The following IGF2BP2 variants were observed in gnomAD, a reference collection of about 807,000 sequenced individuals.
IGF2BP2 encodes insulin like growth factor 2 mRNA binding protein 2.
IGF2BP2 carries 17 observed loss-of-function variants against 75.8 expected under a neutral mutation model. The ratio of observed to expected loss-of-function variants is 0.22; its 90% CI spans 0.15 to 0.34. IGF2BP2 has a LOEUF of 0.34. Among genes scored for constraint, IGF2BP2 ranks in the 10% least tolerant of loss-of-function variants. The pLI, the probability that IGF2BP2 is intolerant of heterozygous loss-of-function variation, is 1.00. For missense variants in IGF2BP2, 516 were observed against 772.4 expected (o/e 0.67, Z 3.93); for synonymous variants, 288 against 295.6 (o/e 0.97, Z 0.26).
At chr3:185,797,220 C>T (rs1041862701) in intron 2 of IGF2BP2, among the ~76,000 whole-genome samples, 2 of 152,294 alleles carry the variant, frequency 1.3e-5, no homozygotes, top group East Asian at 3.9e-4. Flanking sequence ...ACACATGAAC[C>T]TACTCAGCCC....
chr3:185,795,336 T>C (rs577342354), intron 2 of IGF2BP2, among the ~76,000 whole-genome samples: 1 of 152,248 alleles, frequency 6.6e-6, no homozygotes, highest in Non-Finnish European at 1.5e-5. Context: ...AATATTCCAC[T>C]GTATGTCCAT....
At position 185,652,069 on chromosome 3, in the gene IGF2BP2, G is replaced by C. The variant is rs765893382; in HGVS notation, c.1461+25C>G. ...GCTGCTCTGTGCCCAGAGCCTGCAGGGCTGAGGTGTCCCTTGGCACTAACC... is the reference window on the plus strand; with the variant it reads ...GCTGCTCTGTGCCCAGAGCCTGCAGCGCTGAGGTGTCCCTTGGCACTAACC... On this transcript the variant is annotated intron_variant, in intron 13 of 15. Coordinates refer to ENST00000382199, the MANE Select transcript of IGF2BP2 (RefSeq NM_006548.6). 2.5e-6 allele frequency: 4 copies of C among 1,597,468 alleles called. No individual in the cohort carries two copies. The African/African-American group carries it at 5.4e-5, about 21-fold the overall frequency.
chr3:185,696,683 T>G lies in IGF2BP2; in HGVS notation c.289-20A>C. ...CAACACCTAAAAGAGAAAGCTTCCA[T>G]GTCAGAATGGGAAGGCAAGATCATA... On this transcript the variant is annotated intron_variant, in intron 3 of 15. Transcript: ENST00000382199. 6.2e-7 allele frequency: 1 copy of G among 1,610,434 alleles called. No homozygotes were observed. The highest frequency in any genetic ancestry group is 8.5e-7 in the Non-Finnish European group (1 of 1,176,854).
At chr3:185,706,741 CTT>C (rs768995397) in intron 2 of IGF2BP2, among the ~76,000 whole-genome samples, 67 of 139,232 alleles carry the variant, frequency 4.8e-4, no homozygotes, top group Non-Finnish European at 4.9e-4. Flanking sequence ...GAGATTCCTT[CTT>C]TTTTTTTTTT....
chr3:185,806,350 A>C (rs1316631477), intron 2 of IGF2BP2, among the ~76,000 whole-genome samples: 2 of 152,108 alleles, frequency 1.3e-5, no homozygotes, highest in African/African-American at 4.8e-5. Flanking sequence ...AGAAAATTAT[A>C]TTTACCCGTA....
intron 2 of IGF2BP2, among the ~76,000 whole-genome samples, chr3:185,699,509 AG>A (rs1332708654): frequency 1.3e-5 from 2 of 152,248 alleles, no homozygotes; most frequent in Non-Finnish European, 2.9e-5. Flanking sequence ...CACTATAAAA[AG>A]TTATACTGTG....
intron 2 of IGF2BP2, among the ~76,000 whole-genome samples, chr3:185,773,988 C>T (rs1734209791): frequency 6.6e-6 from 1 of 152,190 alleles, no homozygotes; most frequent in Non-Finnish European, 1.5e-5. Context: ...CCTGACTTCA[C>T]TGACTGAGAG....
At chr3:185,665,248 AAGGAGAAGGAGG>A (rs1717155446) in intron 10 of IGF2BP2, among the ~76,000 whole-genome samples, 1 of 120,700 alleles carries the variant, frequency 8.3e-6, no homozygotes, top group Non-Finnish European at 1.8e-5. Context: ...GAAGGAGAAG[AAGGAGAAGGAGG>A]AGGAGGAGGA....
chr3:185,675,909 C>G lies in IGF2BP2; in HGVS notation c.817G>C (p.Glu273Gln). The G allele has an allele frequency of 6.2e-7, 1 of 1,613,892 alleles. No individual in the cohort carries two copies. The highest frequency in any genetic ancestry group is 8.5e-7 in the Non-Finnish European group (1 of 1,179,904). The change falls in exon 8 of 16, where the codon GAA becomes CAA. Residue 273 changes from glutamate to glutamine, a missense_variant. Coordinates refer to ENST00000382199, the MANE Select transcript of IGF2BP2 (RefSeq NM_006548.6). ...QKEADETKLA[E>Q]EIPLKILAHN... Reference sequence around the variant, plus strand: ...GCCAAGATTTTCAGAGGAATCTCTTCGGCTCTAAAAGAGACAAGCAGCAAG... The same window carrying G: ...GCCAAGATTTTCAGAGGAATCTCTTGGGCTCTAAAAGAGACAAGCAGCAAG...
intron 2 of IGF2BP2, among the ~76,000 whole-genome samples, chr3:185,719,769 G>A (rs1726216273): frequency 6.6e-6 from 1 of 152,132 alleles, no homozygotes; most frequent in Non-Finnish European, 1.5e-5. Flanking sequence ...GGGAGGTGGA[G>A]GTTGCAGTGA....
chr3:185,649,635 C>T (rs932255829), intron 13 of IGF2BP2, 101 bp from the exon 14 acceptor site: 2 of 1,476,260 alleles, frequency 1.4e-6, no homozygotes, highest in Admixed American at 3.8e-5. Context: ...ATGGGTCAGT[C>T]CCATTCCCAC....
chr3:185,698,023 C>T (rs184609175), intron 3 of IGF2BP2, among the ~76,000 whole-genome samples: 2 of 152,234 alleles, frequency 1.3e-5, no homozygotes, highest in African/African-American at 2.4e-5. Flanking sequence ...CAAATCACAA[C>T]CAGGTATATA....
In IGF2BP2 at chr3:185,677,064, T is replaced by TAG. The variant is rs1227931431; in HGVS notation, c.813-1152_813-1151insCT. On this transcript the variant is annotated intron_variant, in intron 7 of 15. Transcript: ENST00000382199. ...ATGGAGATATATATATATATATATA[T>TAG]ATATAGAGAGAGAGAGAGAGAGAGA... Among the ~76,000 whole-genome samples, 7 of 45,766 alleles carry TAG rather than the reference T, an allele frequency of 1.5e-4. No homozygotes were observed. In the East Asian group the frequency reaches 3.0e-3, roughly 19 times the overall value. 30.0% of individuals were successfully genotyped at this position (45,766 alleles called of 152,430 possible).
intron 6 of IGF2BP2, 28 bp downstream of exon 6, chr3:185,689,327 A>C: frequency 6.2e-7 from 1 of 1,604,376 alleles, no homozygotes; most frequent in Non-Finnish European, 8.5e-7. Flanking sequence ...CCTCAGAAGG[A>C]AGCAAAGGAA....
At chr3:185,665,140 AC>A (rs1309376200) in intron 10 of IGF2BP2, among the ~76,000 whole-genome samples, 1 of 147,334 alleles carries the variant, frequency 6.8e-6, no homozygotes, top group African/African-American at 2.5e-5. Flanking sequence ...ACTCCAGCCT[AC>A]TAGGTGACAG....
intron 2 of IGF2BP2, chr3:185,713,544 A>G (rs558291177): frequency 3.9e-6 from 2 of 509,154 alleles, no homozygotes; most frequent in East Asian, 5.5e-5. Context: ...AGTGCTGGTG[A>G]GACATCAGAA....
At chr3:185,808,129 AAAAAAAG>A (rs1391625236) in intron 2 of IGF2BP2, among the ~76,000 whole-genome samples, 2 of 122,402 alleles carry the variant, frequency 1.6e-5, no homozygotes, top group Non-Finnish European at 3.3e-5. Flanking sequence ...AAAAAAAAAA[AAAAAAAG>A]AAAGAAAGAA....
chr3:185,658,289 G>C, intron 11 of IGF2BP2, 52 bp downstream of exon 11: 3 of 1,536,290 alleles, frequency 2.0e-6, no homozygotes, highest in Admixed American at 1.7e-5. Flanking sequence ...GGGCCAAGTG[G>C]GCCTAGCCCC....
chr3:185,666,578 G>A (rs1012154687), intron 10 of IGF2BP2, among the ~76,000 whole-genome samples: 13 of 152,122 alleles, frequency 8.5e-5, no homozygotes, highest in South Asian at 4.1e-4. Flanking sequence ...ACAGTGAGCC[G>A]AGATTGTGCC....
Sources: allele counts gnomAD v4.1 joint callset (sites outside exome capture counted in the v4.1 genomes callset), GRCh38; gene constraint gnomAD v4.1.1; transcripts MANE v1.5; gene names NCBI Gene and HGNC (gene_info 2026-07-23, HGNC 2026-07-21).